The following PTPRD variants were observed in gnomAD, a reference collection of about 807,000 sequenced individuals.
PTPRD encodes protein tyrosine phosphatase receptor type D, also known as receptor-type tyrosine-protein phosphatase delta.
Under a neutral mutation model 214.5 loss-of-function variants are expected in PTPRD, and 34 were observed. That is an observed-to-expected ratio of 0.16 (90% CI 0.12 to 0.21). The LOEUF (loss-of-function observed/expected upper bound fraction) is 0.21, where lower values mean the gene tolerates loss of function less well. Among genes scored for constraint, PTPRD ranks in the 10% least tolerant of loss-of-function variants. The pLI is 1.00. For missense variants in PTPRD, 2,545 were observed against 2,398.7 expected, an observed-to-expected ratio of 1.06 and a Z score of -1.27; for synonymous variants, 1,128 against 845.7, an observed-to-expected ratio of 1.33 and a Z score of -5.79.
chr9:8,748,384 G>C (rs538444663), intron 11 of PTPRD, among the ~76,000 whole-genome samples: 1 of 151,932 alleles, frequency 6.6e-6, no homozygotes. Context: ...TCTATTGCCT[G>C]AGAGCACAGC....
intron 11 of PTPRD, among the ~76,000 whole-genome samples, chr9:8,846,797 A>G (rs939167806): frequency 6.6e-6 from 1 of 152,196 alleles, no homozygotes. Context: ...AAAGCAGAGG[A>G]AAGGACATCA....
intron 7 of PTPRD, among the ~76,000 whole-genome samples, chr9:9,669,813 A>C (rs1346748050): frequency 3.3e-5 from 5 of 152,160 alleles, no homozygotes; most frequent in Admixed American, 6.5e-5. Context: ...ATGTATATAC[A>C]TATTAAAATT....
chr9:10,042,522 T>C (rs944689687), intron 3 of PTPRD, among the ~76,000 whole-genome samples: 1 of 151,900 alleles, frequency 6.6e-6, no homozygotes, highest in Non-Finnish European at 1.5e-5. Flanking sequence ...TATTGCCATA[T>C]GCTGGGATCC....
chr9:9,202,043 A>T (rs1477886493), intron 9 of PTPRD, among the ~76,000 whole-genome samples: 3 of 152,222 alleles, frequency 2.0e-5, no homozygotes, highest in Non-Finnish European at 4.4e-5. Context: ...TGCTTGTTTC[A>T]ACCGGAAGAT....
intron 11 of PTPRD, among the ~76,000 whole-genome samples, chr9:8,757,828 C>A (rs10117781): frequency 0.05 from 7,590 of 152,078 alleles, 472 homozygotes; most frequent in African/African-American, 0.15. Context: ...CCTTTGCCAT[C>A]AAAATATAAT....
chr9:10,385,712 T>G (rs776675746), intron 2 of PTPRD, among the ~76,000 whole-genome samples: 2 of 151,882 alleles, frequency 1.3e-5, no homozygotes, highest in African/African-American at 4.8e-5. Context: ...TGGCTTATCA[T>G]AAATGGCAAA....
chr9:10,504,115 CAAAAAAAAAAAAA>C (rs71332747), intron 2 of PTPRD, among the ~76,000 whole-genome samples: 2,955 of 26,998 alleles, frequency 0.11, 324 homozygotes, highest in East Asian at 0.45. Context: ...GACTCTGTCT[CAAAAAAAAAAAAA>C]AAAAAAAAAA....
intron 11 of PTPRD, among the ~76,000 whole-genome samples, chr9:8,911,272 A>G: frequency 6.6e-6 from 1 of 152,152 alleles, no homozygotes; most frequent in East Asian, 1.9e-4. Flanking sequence ...CCGAAGTGAG[A>G]CTCCAGAAAT....
intron 11 of PTPRD, among the ~76,000 whole-genome samples, chr9:8,908,682 A>C (rs1566945368): frequency 6.6e-6 from 1 of 151,856 alleles, no homozygotes; most frequent in South Asian, 2.1e-4. Context: ...CATCTTAAGA[A>C]ACTATAAAAA....
chr9:10,343,978 GTTT>G (rs139613939), intron 2 of PTPRD, among the ~76,000 whole-genome samples: 128 of 31,596 alleles, frequency 4.1e-3, no homozygotes, highest in African/African-American at 0.016. Context: ...TCTGATGGTA[GTTT>G]TTTTTTTTTT....
chr9:9,638,449 C>G (rs1593800719), intron 7 of PTPRD, among the ~76,000 whole-genome samples: 1 of 152,168 alleles, frequency 6.6e-6, no homozygotes, highest in Non-Finnish European at 1.5e-5. Context: ...TTTAAATATC[C>G]TTGTTCCTCG....
In PTPRD at chr9:9,105,520, G is replaced by C. The variant is rs79897053; in HGVS notation, c.-143+77784C>G. Among the ~76,000 whole-genome samples, 1,222 of 152,264 alleles carry C rather than the reference G, an allele frequency of 8.0e-3. 7 individuals are homozygous for C. Among genetic ancestry groups the C allele is most frequent in the Non-Finnish European group, 0.015 (993 of 68,010 alleles). On this transcript the variant is annotated intron_variant, in intron 10 of 45. Coordinates refer to ENST00000381196, the MANE Select transcript of PTPRD (RefSeq NM_002839.4). ...CTGAAGTAAAAACACAACTACCTCA[G>C]CTCTCAGACTCAGCATATTGTCTTC...
At chr9:8,666,008 T>C (rs1262052242) in intron 12 of PTPRD, among the ~76,000 whole-genome samples, 1 of 151,910 alleles carries the variant, frequency 6.6e-6, no homozygotes, top group Non-Finnish European at 1.5e-5. Flanking sequence ...TTCCCCGTAA[T>C]TATTACTGCA....
intron 9 of PTPRD, among the ~76,000 whole-genome samples, chr9:9,310,256 G>C (rs985538786): frequency 6.6e-6 from 1 of 152,128 alleles, no homozygotes; most frequent in Non-Finnish European, 1.5e-5. Flanking sequence ...AAGCATATTA[G>C]CATGTGCCAT....
intron 3 of PTPRD, among the ~76,000 whole-genome samples, chr9:10,038,923 A>G (rs2097243972): frequency 1.3e-5 from 2 of 152,026 alleles, no homozygotes; most frequent in Admixed American, 1.3e-4. Context: ...ACTAGCCTCT[A>G]ACGCTGACGA....
intron 7 of PTPRD, among the ~76,000 whole-genome samples, chr9:9,721,123 C>T (rs926606564): frequency 9.2e-5 from 14 of 151,796 alleles, no homozygotes; most frequent in Non-Finnish European, 1.8e-4. Context: ...GCATATGTAC[C>T]CCTGAAACTA....
intron 4 of PTPRD, among the ~76,000 whole-genome samples, chr9:9,966,881 C>T (rs1265357413): frequency 2.0e-5 from 3 of 152,180 alleles, no homozygotes; most frequent in Non-Finnish European, 1.5e-5. Context: ...CACTTTTACT[C>T]ATTTCCATTG....
chr9:9,765,578 C>G (rs944199779), intron 6 of PTPRD, among the ~76,000 whole-genome samples: 3 of 152,186 alleles, frequency 2.0e-5, no homozygotes, highest in Admixed American at 6.5e-5. Flanking sequence ...CATTGTGAAT[C>G]TATTCAATAT....
chr9:10,496,674 T>G (rs1280160640), intron 2 of PTPRD, among the ~76,000 whole-genome samples: 1 of 152,052 alleles, frequency 6.6e-6, no homozygotes, highest in Non-Finnish European at 1.5e-5. Flanking sequence ...AGTAACTCAT[T>G]GTGGTTTTAA....
Sources: gnomAD v4.1 joint callset for allele counts (sites outside exome capture counted in the v4.1 genomes callset) on GRCh38, gnomAD v4.1.1 for gene constraint, MANE v1.5 for transcripts, NCBI Gene and HGNC (gene_info 2026-07-23, HGNC 2026-07-21) for gene names.